Variants in TTC19 observed in about 807,000 individuals in gnomAD.
TTC19 encodes tetratricopeptide repeat domain 19.
A neutral mutation model predicts 49.5 loss-of-function variants in TTC19; 38 were observed. The observed-to-expected ratio is 0.77, with a 90% CI of 0.59 to 1.01. The LOEUF (loss-of-function observed/expected upper bound fraction) is 1.01, where lower values mean the gene tolerates loss of function less well. Among genes scored for constraint, TTC19 ranks in the 50% least tolerant of loss-of-function variants. The pLI is 0.00. For synonymous variants in TTC19, 204 were observed against 185.2 expected, an observed-to-expected ratio of 1.10 and a Z score of -0.83; for missense variants, 475 against 477.7, an observed-to-expected ratio of 0.99 and a Z score of 0.05.
chr17:16,028,795 A>ATCC lies in TTC19; in HGVS notation c.*1274_*1276dup, dbSNP rs1468287866. 2.7e-6 allele frequency: 1 copy of ATCC among 374,536 alleles called. No individual in the cohort carries two copies. The highest frequency in any genetic ancestry group is 4.0e-5 in the Admixed American group (1 of 25,214). 23.2% of individuals were successfully genotyped at this position (374,536 alleles called of 1,614,324 possible). A position where few individuals can be genotyped will look rare whatever the true frequency, so the allele number is the denominator to read the frequency against. On this transcript the variant is annotated 3_prime_UTR_variant, in exon 10 of 10. Coordinates refer to ENST00000261647, the MANE Select transcript of TTC19 (RefSeq NM_017775.4). ...GAGACTACACAACAATATTGTATGT[A>ATCC]TCCCAGTAATCTTTGCATTTCTCAA...
chr17:16,004,241 G>A lies in TTC19; in HGVS notation c.560G>A (p.Ser187Asn). 6.2e-7 allele frequency: 1 copy of A among 1,614,222 alleles called. No individual in the cohort carries two copies. Among genetic ancestry groups the A allele is most frequent in the African/African-American group, 1.3e-5 (1 of 75,056 alleles). ...ATTGAAATTTCCCTAAAGCTGGCCAGTATCTATGCTGCGCAGAACAGGTAA... is the reference window on the plus strand; with the variant it reads ...ATTGAAATTTCCCTAAAGCTGGCCAATATCTATGCTGCGCAGAACAGGTAA... ...AIIEISLKLASIYAAQNRQEF... is the reference protein window; with the variant it reads ...AIIEISLKLANIYAAQNRQEF... Residue 187 changes from serine (S) to asparagine (N), a missense_variant, in exon 6 of 10, where the codon AGT (serine) becomes AAT (asparagine). Physicochemically the swap from Ser to Asn is conservative, Grantham distance 46. Transcript: ENST00000261647.
chr17:16,040,866 GT>G (rs1222368721), intron 2 of TTC19: 1 of 196,126 alleles, frequency 5.1e-6, no homozygotes, highest in Non-Finnish European at 1.0e-5. Flanking sequence ...TCTCCCATCT[GT>G]TTACCAAAAA....
chr17:16,020,495 A>G (rs1971344427), intron 7 of TTC19, among the ~76,000 whole-genome samples: 1 of 152,174 alleles, frequency 6.6e-6, no homozygotes, highest in South Asian at 2.1e-4. Context: ...GTATATTAAC[A>G]GAATCTTGAT....
intron 4 of TTC19, 146 bp from the exon 5 acceptor site, chr17:16,003,685 C>T (rs1970810093): frequency 1.3e-6 from 1 of 741,772 alleles, no homozygotes; most frequent in South Asian, 1.6e-5. Context: ...CAAAAGGGTA[C>T]TTTTCTGTGT....
downstream of TTC19, chr17:16,031,185 A>AGC (rs1293894745): frequency 4.0e-5 from 8 of 199,258 alleles, no homozygotes; most frequent in Non-Finnish European, 8.3e-5. Context: ...GTCCCAAGGG[A>AGC]GCAAAGTGAG....
At chr17:16,036,555 T>C (rs2056412983) in intron 2 of TTC19, among the ~76,000 whole-genome samples, 1 of 152,228 alleles carries the variant, frequency 6.6e-6, no homozygotes, top group African/African-American at 2.4e-5. Flanking sequence ...CAGTCACCTT[T>C]ATCAAAGATC....
At chr17:16,020,552 A>C (rs1345021236) in intron 7 of TTC19, among the ~76,000 whole-genome samples, 2 of 152,186 alleles carry the variant, frequency 1.3e-5, no homozygotes, top group East Asian at 3.8e-4. Context: ...TTGTAATGAC[A>C]TCTCTATATT....
intron 7 of TTC19, among the ~76,000 whole-genome samples, chr17:16,019,403 AC>A (rs1971305820): frequency 6.6e-6 from 1 of 152,240 alleles, no homozygotes. Context: ...ATCATACTGT[AC>A]AATTGGTTTT....
At chr17:16,033,181 C>A (rs1015056749), downstream of TTC19, among the ~76,000 whole-genome samples, 2 of 151,686 alleles carry the variant, frequency 1.3e-5, no homozygotes, top group Non-Finnish European at 2.9e-5. Context: ...CCCCATCTTA[C>A]AAAATTAGCC....
chr17:16,001,907 C>T lies in TTC19; in HGVS notation c.313-8C>T. On this transcript the variant is annotated splice_polypyrimidine_tract_variant and splice_region_variant and intron_variant, in intron 2 of 9. Coordinates refer to ENST00000261647, the MANE Select transcript of TTC19 (RefSeq NM_017775.4). ...TTCATTTTCTATTATTTTGTCTTCC[C>T]TTTTCAGTTGAGCATTATGAAAGAT... The T allele has an allele frequency of 1.3e-6, 2 of 1,599,826 alleles. No individual in the cohort carries two copies. The highest frequency in any genetic ancestry group is 1.1e-5 in the South Asian group (1 of 90,794).
intron 7 of TTC19, among the ~76,000 whole-genome samples, chr17:16,007,031 G>A (rs577341879): frequency 6.6e-6 from 1 of 152,292 alleles, no homozygotes; most frequent in South Asian, 2.1e-4. Context: ...AAGCTCTCTA[G>A]CTCTCCACCA....
At chr17:16,044,864 C>T in exon 3 of TTC19, 1 of 803,858 alleles carries the variant, frequency 1.2e-6, no homozygotes, top group Non-Finnish European at 2.1e-6. Flanking sequence ...ATCCTGCCCA[C>T]TCCACTGCTG....
chr17:16,022,967 CTTGA>C (rs960263600), intron 7 of TTC19, among the ~76,000 whole-genome samples: 3 of 152,166 alleles, frequency 2.0e-5, no homozygotes, highest in African/African-American at 7.2e-5. Flanking sequence ...TATTAAAGTA[CTTGA>C]TTTTTTTCTT....
At position 16,027,708 on chromosome 17, in the gene TTC19, T is replaced by G; in HGVS notation, c.*186T>G. ...TTGTATTTTAAAGGAAAAATGACTT[T>G]CATTCCCAACTGATTATGACCTTTC... is the stretch of plus-strand genomic sequence containing the variant. On this transcript the variant is annotated 3_prime_UTR_variant, in exon 10 of 10. Transcript: ENST00000261647. 1.4e-6 allele frequency: 1 copy of G among 708,044 alleles called. No individual in the cohort carries two copies. The highest frequency in any genetic ancestry group is 2.5e-6 in the Non-Finnish European group (1 of 401,034). The allele number at this position is 708,044 out of a possible 1,614,324, so 43.9% of individuals were successfully genotyped here. A position where few individuals can be genotyped will look rare whatever the true frequency, so the allele number is the denominator to read the frequency against.
chr17:16,001,263 T>G (rs566226756), intron 2 of TTC19, among the ~76,000 whole-genome samples: 72 of 152,302 alleles, frequency 4.7e-4, no homozygotes, highest in African/African-American at 1.7e-3. Context: ...ACACCCCACA[T>G]GATCTAAACC....
Position 16,028,721 on chromosome 17 carries a change from T to C in TTC19, c.*1199T>C. ...TGGGATGTGAGTGGGACTGATAAAC[T>C]GATACTTTTGGTTCGTATGTACATA... On this transcript the variant is annotated 3_prime_UTR_variant, in exon 10 of 10. Coordinates refer to ENST00000261647, the MANE Select transcript of TTC19 (RefSeq NM_017775.4). 2.2e-6 allele frequency: 1 copy of C among 449,308 alleles called. No individual in the cohort carries two copies. The highest frequency in any genetic ancestry group is 4.4e-6 in the Non-Finnish European group (1 of 226,086). The allele number at this position is 449,308 out of a possible 1,614,324, so 27.8% of individuals were successfully genotyped here.
At position 16,000,122 on chromosome 17, in the gene TTC19, C is replaced by A; in HGVS notation, c.189C>A (p.Leu63=). The A allele has an allele frequency of 6.4e-7, 1 of 1,560,162 alleles. No homozygotes were observed. The highest frequency in any genetic ancestry group is 1.1e-5 in the South Asian group (1 of 86,966). Residue 63 remains leucine (L), a synonymous_variant, in exon 2 of 10, where the codon CTC becomes CTA. Transcript: ENST00000261647. ...CCTCAGAGCCCCTTCCCGCAGCGCT[C>A]GCCTGGTTCTCGAGGCCCGCTGCGG... ...GPGLLPLLAA[L]AWFSRPAAAE... is the part of the protein sequence containing the mutation.
intron 2 of TTC19, among the ~76,000 whole-genome samples, chr17:16,035,266 T>C (rs914693941): frequency 3.9e-5 from 6 of 152,204 alleles, no homozygotes; most frequent in Non-Finnish European, 8.8e-5. Context: ...CATGCAATGA[T>C]AGCATTTTAG....
In TTC19 at chr17:16,025,111, A is replaced by T. The variant is rs748252883; in HGVS notation, c.771A>T (p.Gln257His). ...TCTCCAAGCAGCCGTCACAGGCACA[A>T]AGGATGTATGAAAAAGCTCTGCAGA... ...LLFSKQPSQA[Q>H]RMYEKALQIS... Residue 257 changes from glutamine to histidine, a missense_variant, in exon 8 of 10, where the codon CAA becomes CAT. Gln to His is a conservative substitution (Grantham distance 24). Transcript: ENST00000261647. 1 of 1,613,898 alleles carries T rather than the reference A, an allele frequency of 6.2e-7. No homozygotes were observed. The highest frequency in any genetic ancestry group is 1.3e-5 in the African/African-American group (1 of 74,916).
Sources: allele counts gnomAD v4.1 joint callset (sites outside exome capture counted in the v4.1 genomes callset), GRCh38; gene constraint gnomAD v4.1.1; transcripts MANE v1.5; gene names NCBI Gene and HGNC (gene_info 2026-07-23, HGNC 2026-07-21).